Variants in RNF220 observed in about 807,000 individuals in gnomAD.
RNF220 encodes ring finger protein 220.
In RNF220, 7 loss-of-function variants were observed where a neutral mutation model predicts 67.1. That is an observed-to-expected ratio of 0.10 (90% CI 0.06 to 0.20). The LOEUF is 0.20. Ranked by LOEUF, RNF220 falls within the 10% of genes least tolerant of loss-of-function variation. RNF220 has a pLI of 1.00. For missense variants in RNF220, 565 were observed against 740.3 expected (o/e 0.76, Z 2.75); for synonymous variants, 270 against 283.2 (o/e 0.95, Z 0.47).
At chr1:44,553,783 A>G (rs970860989) in intron 2 of RNF220, among the ~76,000 whole-genome samples, 12 of 152,178 alleles carry the variant, frequency 7.9e-5, no homozygotes, top group Non-Finnish European at 1.5e-5. Flanking sequence ...GTAACAAAGG[A>G]AAGTTTAAGG....
chr1:44,475,568 CAAAAAA>C (rs35917344), intron 2 of RNF220, among the ~76,000 whole-genome samples: 1 of 70,978 alleles, frequency 1.4e-5, no homozygotes, highest in Non-Finnish European at 2.8e-5. Context: ...GACTCGGTCT[CAAAAAA>C]AAAAAAAAAA....
intron 2 of RNF220, among the ~76,000 whole-genome samples, chr1:44,505,878 A>G (rs1658370535): frequency 6.6e-6 from 1 of 150,414 alleles, no homozygotes; most frequent in Admixed American, 6.6e-5. Flanking sequence ...CCTCCCTCCA[A>G]TCCTCTCCGC....
intron 6 of RNF220, 92 bp downstream of exon 6, chr1:44,632,477 T>TCGA: frequency 8.2e-7 from 1 of 1,224,276 alleles, no homozygotes; most frequent in Non-Finnish European, 1.1e-6. Flanking sequence ...CTGGGTCTCT[T>TCGA]CGACTCTGGG....
chr1:44,456,986 C>T (rs144123455), intron 2 of RNF220, among the ~76,000 whole-genome samples: 1 of 152,246 alleles, frequency 6.6e-6, no homozygotes, highest in East Asian at 1.9e-4. Flanking sequence ...CCAACCCCTC[C>T]TGCTCCTACC....
chr1:44,525,797 G>A (rs1478817553), intron 2 of RNF220, among the ~76,000 whole-genome samples: 1 of 152,182 alleles, frequency 6.6e-6, no homozygotes, highest in East Asian at 1.9e-4. Flanking sequence ...TCCTACAGCA[G>A]ATTCCATGGA....
chr1:44,446,994 C>T (rs913054191), intron 2 of RNF220, among the ~76,000 whole-genome samples: 6 of 152,296 alleles, frequency 3.9e-5, no homozygotes, highest in Middle Eastern at 3.4e-3. Flanking sequence ...CTATCTCTCC[C>T]TTAAGAAGAT....
intron 2 of RNF220, among the ~76,000 whole-genome samples, chr1:44,460,832 G>A (rs969549955): frequency 1.3e-5 from 2 of 152,346 alleles, no homozygotes; most frequent in East Asian, 1.9e-4. Context: ...ACTGGGACAC[G>A]TGTGGAACAC....
chr1:44,577,191 G>T (rs1488825091), intron 2 of RNF220, among the ~76,000 whole-genome samples: 6 of 152,138 alleles, frequency 3.9e-5, no homozygotes, highest in South Asian at 2.1e-4. Flanking sequence ...TGAAACCCTA[G>T]GACTGTCTTC....
rs76055391 is a variant in RNF220 at position 44,584,573 on chromosome 1, G to A, written c.626-29592G>A. Among the ~76,000 whole-genome samples the A allele has an allele frequency of 0.013, 1,994 of 152,300 alleles. 81 individuals are homozygous for A. The East Asian group carries it at 0.16, about 12-fold the overall frequency. On this transcript the variant is annotated intron_variant, in intron 2 of 14. Transcript: ENST00000361799. The stretch of plus-strand genomic sequence containing the variant: ...TTGTCAGGATGGTGGGGAAACCCTA[G>A]CTGGCTGTCCCTCAGTAGTTGCAGG...
chr1:44,581,348 C>T (rs546350560), intron 2 of RNF220, among the ~76,000 whole-genome samples: 58 of 152,368 alleles, frequency 3.8e-4, no homozygotes, highest in African/African-American at 1.2e-3. Context: ...GTCCCAGCTG[C>T]TTGTCCCCTG....
At chr1:44,484,701 A>G (rs1656127304) in intron 2 of RNF220, among the ~76,000 whole-genome samples, 2 of 152,100 alleles carry the variant, frequency 1.3e-5, no homozygotes, top group Admixed American at 1.3e-4. Flanking sequence ...AACTGGGTCA[A>G]TCTGATTGTC....
chr1:44,562,571 A>G (rs1365856465), intron 2 of RNF220, among the ~76,000 whole-genome samples: 1 of 152,306 alleles, frequency 6.6e-6, no homozygotes, highest in East Asian at 1.9e-4. Context: ...CTCTCTAGCC[A>G]TGTTGTTGCT....
intron 2 of RNF220, among the ~76,000 whole-genome samples, chr1:44,597,449 TTCTC>T (rs150680804): frequency 1.3e-4 from 17 of 128,528 alleles, no homozygotes; most frequent in South Asian, 2.6e-4. Context: ...ATACACGCCC[TTCTC>T]TCTCTCTCTC....
intron 2 of RNF220, among the ~76,000 whole-genome samples, chr1:44,480,971 CT>C (rs1655752009): frequency 6.6e-6 from 1 of 152,114 alleles, no homozygotes; most frequent in Non-Finnish European, 1.5e-5. Context: ...ATGTACATGT[CT>C]TCAGGATTTG....
chr1:44,461,225 G>T (rs1027178026), intron 2 of RNF220, among the ~76,000 whole-genome samples: 1 of 152,066 alleles, frequency 6.6e-6, no homozygotes, highest in Non-Finnish European at 1.5e-5. Context: ...CAAGAAAAAG[G>T]TAAAACCAGG....
At chr1:44,578,824 C>T (rs1053676684) in intron 2 of RNF220, among the ~76,000 whole-genome samples, 1 of 152,160 alleles carries the variant, frequency 6.6e-6, no homozygotes, top group Non-Finnish European at 1.5e-5. Flanking sequence ...TTATTGAGTG[C>T]TCACAGTGTG....
chr1:44,615,927 C>G (rs894345726), intron 3 of RNF220, among the ~76,000 whole-genome samples: 2 of 152,202 alleles, frequency 1.3e-5, no homozygotes, highest in African/African-American at 4.8e-5. Flanking sequence ...CTGGGAGTCT[C>G]TCATGAAGCT....
rs139546973 is a variant in RNF220, at chr1:44,462,088, C to T, written c.625+49366C>T. Among the ~76,000 whole-genome samples the T allele has an allele frequency of 1.1e-3, 161 of 151,438 alleles. No individual in the cohort carries two copies. The Middle Eastern group carries it at 0.014, about 13-fold the overall frequency. On this transcript the variant is annotated intron_variant, in intron 2 of 14. Transcript: ENST00000361799. ...GATTACAGGGGCACACCACTATGCCCGGCTAATTTTTTTTTCTTGTATTTT... is the reference window on the plus strand; with the variant it reads ...GATTACAGGGGCACACCACTATGCCTGGCTAATTTTTTTTTCTTGTATTTT...
At chr1:44,627,447 A>G (rs1487344313) in intron 5 of RNF220, among the ~76,000 whole-genome samples, 1 of 151,746 alleles carries the variant, frequency 6.6e-6, no homozygotes, top group African/African-American at 2.4e-5. Flanking sequence ...ACAGGCACAC[A>G]CTGCCTGTGA....
Sources: allele counts gnomAD v4.1 joint callset (sites outside exome capture counted in the v4.1 genomes callset), GRCh38; gene constraint gnomAD v4.1.1; transcripts MANE v1.5; gene names NCBI Gene and HGNC (gene_info 2026-07-23, HGNC 2026-07-21).